The following GLI2 variants were observed in gnomAD, a reference collection of about 807,000 sequenced individuals.
GLI2 encodes the protein GLI family zinc finger 2, also known as transcription activator GLI2.
In GLI2, 22 loss-of-function variants were observed where a neutral mutation model predicts 78.9. The observed-to-expected ratio is 0.28, with a 90% CI of 0.20 to 0.40. The LOEUF (loss-of-function observed/expected upper bound fraction) is 0.40, where lower values mean the gene tolerates loss of function less well. Ranked by LOEUF, GLI2 falls within the 10% of genes least tolerant of loss-of-function variation. The pLI is 1.00. For synonymous variants in GLI2, 974 were observed against 963.7 expected (o/e 1.01, Z -0.20); for missense variants, 2,097 against 2,213.2 (o/e 0.95, Z 1.05).
At position 120,955,006 on chromosome 2, in the gene GLI2, G is replaced by A. The variant is rs569986541; in HGVS notation, c.458-239G>A. Among the ~76,000 whole-genome samples the A allele has an allele frequency of 9.9e-5, 15 of 152,248 alleles. No homozygotes were observed. The South Asian group carries it at 3.1e-3, about 32-fold the overall frequency. ...TTTATGAGTCTAATGAAGTGGTGGAGTACAGAGGTCGGGGTCTGGCCTCCT... is the reference window on the plus strand; with the variant it reads ...TTTATGAGTCTAATGAAGTGGTGGAATACAGAGGTCGGGGTCTGGCCTCCT... On this transcript the variant is annotated intron_variant, in intron 4 of 13. Coordinates refer to ENST00000361492, the MANE Select transcript of GLI2 (RefSeq NM_001374353.1).
chr2:120,868,162 C>G (rs1405140847), intron 2 of GLI2, among the ~76,000 whole-genome samples: 1 of 152,220 alleles, frequency 6.6e-6, no homozygotes, highest in East Asian at 1.9e-4. Context: ...CAATTCCCCG[C>G]GGTTTGAGCT....
chr2:120,899,529 G>A (rs987392791), intron 2 of GLI2, among the ~76,000 whole-genome samples: 6 of 152,274 alleles, frequency 3.9e-5, no homozygotes, highest in African/African-American at 9.6e-5. Context: ...CTGAGCCTGC[G>A]CAAGGCCATC....
At chr2:120,770,628 G>A (rs1683494527) in intron 1 of GLI2, among the ~76,000 whole-genome samples, 2 of 152,190 alleles carry the variant, frequency 1.3e-5, no homozygotes, top group Admixed American at 6.5e-5. Flanking sequence ...TGCAGTTTCT[G>A]GCTTGCCTCT....
At chr2:120,926,653 A>G (rs572633399) in intron 2 of GLI2, among the ~76,000 whole-genome samples, 1 of 152,294 alleles carries the variant, frequency 6.6e-6, no homozygotes, top group African/African-American at 2.4e-5. Flanking sequence ...GCATCCTACA[A>G]TTATCATGAT....
rs939130827 is a variant in GLI2 at position 120,934,186 on chromosome 2, A to T, written c.254+6720A>T. Among the ~76,000 whole-genome samples, 7 of 152,262 alleles carry T rather than the reference A, an allele frequency of 4.6e-5. No individual in the cohort carries two copies. In the South Asian group the frequency reaches 1.5e-3, roughly 32 times the overall value. ...CCAGAGCTGCTTGTTGGCTTTCTGGACTCATCACTGACAGCGCCTCGCCGC... is the reference window on the plus strand; with the variant it reads ...CCAGAGCTGCTTGTTGGCTTTCTGGTCTCATCACTGACAGCGCCTCGCCGC... On this transcript the variant is annotated intron_variant, in intron 3 of 13. Transcript: ENST00000361492.
At chr2:120,799,927 C>T (rs746936907) in intron 2 of GLI2, among the ~76,000 whole-genome samples, 3 of 152,176 alleles carry the variant, frequency 2.0e-5, no homozygotes, top group African/African-American at 4.8e-5. Flanking sequence ...CCCTCAGGGG[C>T]GGGGATGCTC....
intron 2 of GLI2, among the ~76,000 whole-genome samples, chr2:120,913,857 G>A (rs1678954678): frequency 6.6e-6 from 1 of 152,204 alleles, no homozygotes; most frequent in South Asian, 2.1e-4. Flanking sequence ...GCTCAGCCTG[G>A]GAAACCATCA....
intron 5 of GLI2, among the ~76,000 whole-genome samples, chr2:120,963,542 T>C (rs889337020): frequency 1.4e-4 from 21 of 148,348 alleles, no homozygotes; most frequent in African/African-American, 4.8e-4. Flanking sequence ...CCACCTGGGG[T>C]GTTTGTGTGT....
At chr2:120,850,212 G>GA (rs1455125894) in intron 2 of GLI2, among the ~76,000 whole-genome samples, 4 of 151,564 alleles carry the variant, frequency 2.6e-5, no homozygotes, top group African/African-American at 9.7e-5. Context: ...CACTTTAAAA[G>GA]AAAAAAAATA....
chr2:120,956,440 C>A (rs1681266215), intron 5 of GLI2, among the ~76,000 whole-genome samples: 1 of 152,122 alleles, frequency 6.6e-6, no homozygotes, highest in South Asian at 2.1e-4. Flanking sequence ...CACAGGGACA[C>A]CTGTGACCCT....
At chr2:120,772,746 CAT>C (rs2104659363) in intron 1 of GLI2, among the ~76,000 whole-genome samples, 1 of 152,364 alleles carries the variant, frequency 6.6e-6, no homozygotes, top group African/African-American at 2.4e-5. Context: ...TTCAGGAAAA[CAT>C]AGATGAAGAA....
intron 3 of GLI2, among the ~76,000 whole-genome samples, chr2:120,945,723 T>C (rs1242210487): frequency 6.6e-6 from 1 of 152,176 alleles, no homozygotes; most frequent in Non-Finnish European, 1.5e-5. Context: ...GCTTGCACCC[T>C]ACGAGCTCAG....
At chr2:120,895,939 T>C (rs1191009099) in intron 2 of GLI2, among the ~76,000 whole-genome samples, 1 of 152,220 alleles carries the variant, frequency 6.6e-6, no homozygotes, top group Non-Finnish European at 1.5e-5. Flanking sequence ...ATTAGAGCTA[T>C]TTCTTGCTCA....
Position 120,750,889 on chromosome 2 carries a change from G to A in GLI2, c.-31+14604G>A, listed in dbSNP as rs184212218. ...CAGCATTTTACCTTTCCACCTTCAT[G>A]CTGCTGGAGGCTGCACTGGGCCCCA... On this transcript the variant is annotated intron_variant, in intron 1 of 13. Transcript: ENST00000361492. 3.2e-3 allele frequency among the ~76,000 whole-genome samples: 491 copies of A among 152,318 alleles called. 2 individuals are homozygous for A. The highest frequency in any genetic ancestry group is 4.5e-3 in the Non-Finnish European group (307 of 68,032).
chr2:120,964,642 G>A (rs1448057818), intron 5 of GLI2, among the ~76,000 whole-genome samples: 2 of 152,250 alleles, frequency 1.3e-5, no homozygotes, highest in African/African-American at 2.4e-5. Flanking sequence ...GGCACGTGCT[G>A]TAGGAAGAGC....
chr2:120,936,162 A>G lies in GLI2; in HGVS notation c.254+8696A>G, dbSNP rs953504176. Among the ~76,000 whole-genome samples, 8 of 152,274 alleles carry G rather than the reference A, an allele frequency of 5.3e-5. No homozygotes were observed. In the East Asian group the frequency reaches 1.5e-3, roughly 29 times the overall value. On this transcript the variant is annotated intron_variant, in intron 3 of 13. Transcript: ENST00000361492. ...GGCTCACATCTTGCCTATGCTGCTT[A>G]TACTCTTCACATCCTTGGGCTTGCT...
intron 2 of GLI2, 106 bp from the exon 3 acceptor site, chr2:120,927,254 TG>T: frequency 2.4e-6 from 2 of 844,346 alleles, no homozygotes; most frequent in Non-Finnish European, 4.2e-6. Context: ...CCCCTTGTCC[TG>T]GCTGCTCTTG....
At chr2:120,775,089 G>A (rs914004760) in intron 1 of GLI2, among the ~76,000 whole-genome samples, 2 of 152,160 alleles carry the variant, frequency 1.3e-5, no homozygotes, top group Non-Finnish European at 2.9e-5. Flanking sequence ...AGGGACGTGG[G>A]TATGCCGGGA....
chr2:120,836,833 G>A (rs1457775509), intron 2 of GLI2, among the ~76,000 whole-genome samples: 1 of 152,208 alleles, frequency 6.6e-6, no homozygotes, highest in East Asian at 1.9e-4. Flanking sequence ...CACACTTGTA[G>A]CTTTGTTAGA....
Sources: allele counts gnomAD v4.1 joint callset (sites outside exome capture counted in the v4.1 genomes callset), GRCh38; gene constraint gnomAD v4.1.1; transcripts MANE v1.5; gene names NCBI Gene and HGNC (gene_info 2026-07-23, HGNC 2026-07-21).